The following CELF2 variants were observed in gnomAD, a reference collection of about 807,000 sequenced individuals.
CELF2 encodes the protein CUGBP Elav-like family member 2.
Under a neutral mutation model 62.6 loss-of-function variants are expected in CELF2, and 8 were observed. The observed-to-expected ratio is 0.13, with a 90% CI of 0.07 to 0.23. The LOEUF (loss-of-function observed/expected upper bound fraction) is 0.23. Among genes scored for constraint, CELF2 ranks in the 10% least tolerant of loss-of-function variants. CELF2 has a pLI of 1.00. For missense variants in CELF2, 333 were observed against 671.0 expected (o/e 0.50, Z 5.56); for synonymous variants, 258 against 250.0 (o/e 1.03, Z -0.30).
chr10:10,792,973 C>A, the CELF2 span, among the ~76,000 whole-genome samples: 1 of 152,158 alleles, frequency 6.6e-6, no homozygotes, highest in South Asian at 2.1e-4. Flanking sequence ...TCCTGTTCAG[C>A]TGACCAAGAT....
rs1168932032 is a variant in CELF2 at position 11,086,578 on chromosome 10, T to TAAAAAAAAAAA, written c.74+68437_74+68447dup. 5.4e-3 allele frequency among the ~76,000 whole-genome samples: 392 copies of TAAAAAAAAAAA among 71,962 alleles called. 56 individuals are homozygous for TAAAAAAAAAAA. The highest frequency in any genetic ancestry group is 0.019 in the African/African-American group (338 of 18,224). The allele number at this position is 71,962 out of a possible 152,430, so 47.2% of individuals were successfully genotyped here. ...AATCCATGTCTCCATTTGCATTTGT[T>TAAAAAAAAAAA]AAAAAAAAAAAAAAAAAAAAAAAAA... On this transcript the variant is annotated intron_variant, in intron 1 of 12. Coordinates refer to ENST00000633077, the MANE Select transcript of CELF2 (RefSeq NM_001326342.2).
At chr10:10,980,493 C>A (rs58040110) in intron 2 of CELF2, among the ~76,000 whole-genome samples, 3,914 of 152,312 alleles carry the variant, frequency 0.026, 177 homozygotes, top group African/African-American at 0.089. Flanking sequence ...TGCTGCTCAG[C>A]TCACTGTGCT....
intron 1 of CELF2, among the ~76,000 whole-genome samples, chr10:11,094,023 G>C (rs1413554756): frequency 2.0e-5 from 3 of 152,154 alleles, no homozygotes; most frequent in Non-Finnish European, 4.4e-5. Context: ...CCACACAACA[G>C]TCGATATGAG....
the CELF2 span, among the ~76,000 whole-genome samples, chr10:10,495,972 A>G: frequency 1.3e-5 from 2 of 152,236 alleles, no homozygotes; most frequent in Non-Finnish European, 2.9e-5. Context: ...ATGGTATTTA[A>G]CATTTATTAT....
chr10:10,793,387 A>T, the CELF2 span, among the ~76,000 whole-genome samples: 310 of 152,366 alleles, frequency 2.0e-3, 1 homozygote, highest in Admixed American at 3.2e-3. Context: ...ATTTTATGTA[A>T]CTCAAGATTA....
At chr10:10,607,899 G>A in the CELF2 span, among the ~76,000 whole-genome samples, 2 of 152,102 alleles carry the variant, frequency 1.3e-5, no homozygotes, top group Admixed American at 1.3e-4. Flanking sequence ...GGAGGTGGCA[G>A]GTGGATCACC....
chr10:11,005,256 GA>G (rs1253637815), upstream of CELF2: 115 of 335,994 alleles, frequency 3.4e-4, no homozygotes, highest in African/African-American at 4.8e-3. The surrounding 1 kb of genome is among the most constrained non-coding windows in gnomAD (Gnocchi z 4.3). Context: ...GAGAGAGAGG[GA>G]GAGAGAGAGA....
chr10:11,155,500 G>C (rs1326296780), intron 1 of CELF2, among the ~76,000 whole-genome samples: 1 of 152,206 alleles, frequency 6.6e-6, no homozygotes, highest in Admixed American at 6.5e-5. Context: ...GGGTTGAAGA[G>C]TTCTCCAGAG....
chr10:11,139,264 A>G lies in CELF2; in HGVS notation c.75-26222A>G, dbSNP rs1221806070. On this transcript the variant is annotated intron_variant, in intron 1 of 12. Coordinates refer to ENST00000633077, the MANE Select transcript of CELF2 (RefSeq NM_001326342.2). ...TATCAGAATTTTATAGCTTGCTACTATCTTTAAATCCTTTTACATAGTGCA... is the reference window on the plus strand; with the variant it reads ...TATCAGAATTTTATAGCTTGCTACTGTCTTTAAATCCTTTTACATAGTGCA... 2.0e-5 allele frequency among the ~76,000 whole-genome samples: 3 copies of G among 152,364 alleles called. No homozygotes were observed. In the East Asian group the frequency reaches 5.8e-4, roughly 29 times the overall value.
At position 11,305,667 on chromosome 10, in the gene CELF2, C is replaced by CTACA. The variant is rs2094146794; in HGVS notation, c.977-8471_977-8468dup. Among the ~76,000 whole-genome samples the CTACA allele has an allele frequency of 6.6e-6, 1 of 152,184 alleles. No individual in the cohort carries two copies. Among genetic ancestry groups the CTACA allele is most frequent in the African/African-American group, 2.4e-5 (1 of 41,432 alleles). On this transcript the variant is annotated intron_variant, in intron 9 of 12. Coordinates refer to ENST00000633077, the MANE Select transcript of CELF2 (RefSeq NM_001326342.2). The surrounding 1 kb of genome is among the most constrained non-coding windows in gnomAD (Gnocchi z 4.8). ...ATGACCTAGGCACTCGGTCTCTGAC[C>CTACA]TACAGTGTTAACCTAAGACAAGAAT... is the stretch of plus-strand genomic sequence containing the variant.
chr10:11,260,831 G>A lies in CELF2; in HGVS notation c.538+2959G>A, dbSNP rs2080310322. 6.6e-6 allele frequency among the ~76,000 whole-genome samples: 1 copy of A among 152,040 alleles called. No individual in the cohort carries two copies. The highest frequency in any genetic ancestry group is 2.1e-4 in the South Asian group (1 of 4,820). On this transcript the variant is annotated intron_variant, in intron 5 of 12. Coordinates refer to ENST00000633077, the MANE Select transcript of CELF2 (RefSeq NM_001326342.2). The surrounding 1 kb of genome is among the most constrained non-coding windows in gnomAD (Gnocchi z 4.2). ...GGACCCAGGGACTCCTGGCTACAGGGGCCTGCTCCTGAATCAGTGTATTTG... is the reference window on the plus strand; with the variant it reads ...GGACCCAGGGACTCCTGGCTACAGGAGCCTGCTCCTGAATCAGTGTATTTG...
intron 8 of CELF2, among the ~76,000 whole-genome samples, chr10:11,283,949 G>T (rs1248667112): frequency 4.9e-5 from 7 of 143,032 alleles, no homozygotes; most frequent in East Asian, 2.1e-4. Context: ...GGGTGGATGA[G>T]GGATGAGTGT....
chr10:11,072,135 G>T (rs1009405788), intron 1 of CELF2, among the ~76,000 whole-genome samples: 1 of 152,148 alleles, frequency 6.6e-6, no homozygotes, highest in South Asian at 2.1e-4. Flanking sequence ...AGGTGAGGTC[G>T]AGCAACATTC....
At chr10:10,642,035 A>G in the CELF2 span, among the ~76,000 whole-genome samples, 1 of 152,138 alleles carries the variant, frequency 6.6e-6, no homozygotes, top group Non-Finnish European at 1.5e-5. Context: ...GTGAGTGAAG[A>G]CCTGGTGGAA....
chr10:10,675,210 A>G, the CELF2 span, among the ~76,000 whole-genome samples: 1 of 152,026 alleles, frequency 6.6e-6, no homozygotes, highest in African/African-American at 2.4e-5. Flanking sequence ...TTTTTCTAAG[A>G]AAGTCCTTAT....
chr10:10,908,433 G>C (rs1405927008), intron 1 of CELF2, among the ~76,000 whole-genome samples: 2 of 151,442 alleles, frequency 1.3e-5, no homozygotes, highest in Admixed American at 6.6e-5. Context: ...TGTTATCCAG[G>C]ATGGTCTCGA....
chr10:11,041,113 G>C (rs760336296), intron 1 of CELF2, among the ~76,000 whole-genome samples: 1 of 152,228 alleles, frequency 6.6e-6, no homozygotes, highest in African/African-American at 2.4e-5. Flanking sequence ...CCTTCTAGCT[G>C]TACCCTCACA....
intron 1 of CELF2, among the ~76,000 whole-genome samples, chr10:11,136,828 C>T (rs2060512446): frequency 6.6e-6 from 1 of 152,072 alleles, no homozygotes; most frequent in Admixed American, 6.6e-5. Flanking sequence ...TTAAACATCA[C>T]TATTAGGATG....
chr10:10,607,362 G>A, the CELF2 span, among the ~76,000 whole-genome samples: 1 of 152,116 alleles, frequency 6.6e-6, no homozygotes, highest in South Asian at 2.1e-4. Context: ...CTAACAAAAC[G>A]CCTGCCATAG....
Sources: allele counts gnomAD v4.1 joint callset (sites outside exome capture counted in the v4.1 genomes callset), GRCh38; gene constraint gnomAD v4.1.1; non-coding constraint Gnocchi (gnomAD v3.1); transcripts MANE v1.5; gene names NCBI Gene and HGNC (gene_info 2026-07-23, HGNC 2026-07-21).